The following PTGR1 variants were observed in gnomAD, a reference collection of about 807,000 sequenced individuals.
PTGR1 encodes the protein 15-oxoprostaglandin 13-reductase.
Under a neutral mutation model 37.7 loss-of-function variants are expected in PTGR1, and 23 were observed. That is an observed-to-expected ratio of 0.61 (90% CI 0.44 to 0.86). The LOEUF (loss-of-function observed/expected upper bound fraction) is 0.86. Ranked by LOEUF, PTGR1 falls within the 40% of genes least tolerant of loss-of-function variation. The pLI is 0.00. For synonymous variants in PTGR1, 134 were observed against 140.0 expected, an observed-to-expected ratio of 0.96 and a Z score of 0.30; for missense variants, 351 against 394.3, an observed-to-expected ratio of 0.89 and a Z score of 0.93.
intron 9 of PTGR1, among the ~76,000 whole-genome samples, chr9:111,567,606 G>C (rs1047421864): frequency 4.6e-5 from 7 of 152,210 alleles, no homozygotes; most frequent in Non-Finnish European, 8.8e-5. Flanking sequence ...AAATCAGAGA[G>C]ATATCAGGGG....
Position 111,583,467 on chromosome 9 carries a change from C to A in PTGR1, c.495+5G>T, listed in dbSNP as rs1199940447. 10 of 1,594,436 alleles carry A rather than the reference C, an allele frequency of 6.3e-6. No homozygotes were observed. The highest frequency in any genetic ancestry group is 8.6e-6 in the Non-Finnish European group (10 of 1,162,166). Reference sequence around the variant, plus strand: ...AAAGGCTTGTTACTGGAGAAAGGCACTTACCTTGAGCTTTGCAATCTGCCC... The same window carrying A: ...AAAGGCTTGTTACTGGAGAAAGGCAATTACCTTGAGCTTTGCAATCTGCCC... On this transcript the variant is annotated splice_donor_5th_base_variant and intron_variant, in intron 6 of 9. Coordinates refer to ENST00000407693, the MANE Select transcript of PTGR1 (RefSeq NM_001146108.2).
At chr9:111,588,415 T>C (rs1829507184) in intron 4 of PTGR1, among the ~76,000 whole-genome samples, 1 of 152,126 alleles carries the variant, frequency 6.6e-6, no homozygotes, top group Non-Finnish European at 1.5e-5. Context: ...GTATATTTAG[T>C]AGAGATGGGG....
intron 4 of PTGR1, among the ~76,000 whole-genome samples, chr9:111,591,792 G>A (rs1829630456): frequency 6.6e-6 from 1 of 152,172 alleles, no homozygotes; most frequent in African/African-American, 2.4e-5. Flanking sequence ...ATTGTAGGCA[G>A]ACCCCCTGAA....
chr9:111,557,884 C>T (rs1308329893), downstream of PTGR1, among the ~76,000 whole-genome samples: 1 of 152,160 alleles, frequency 6.6e-6, no homozygotes, highest in African/African-American at 2.4e-5. Flanking sequence ...CATGGTAGCT[C>T]ATGCCTGTAA....
In PTGR1 at chr9:111,593,118, A is replaced by G. The variant is rs1829674275; in HGVS notation, c.153-136T>C. Reference sequence around the variant, plus strand: ...AAACTGCTGGATAAGTGTATGCGGCAATAAAACCCAGACAGATGAAGGGCT... The same window carrying G: ...AAACTGCTGGATAAGTGTATGCGGCGATAAAACCCAGACAGATGAAGGGCT... On this transcript the variant is annotated intron_variant, in intron 3 of 9. Coordinates refer to ENST00000407693, the MANE Select transcript of PTGR1 (RefSeq NM_001146108.2). 1.5e-5 allele frequency: 20 copies of G among 1,358,246 alleles called. No individual in the cohort carries two copies. In the South Asian group the frequency reaches 3.3e-4, roughly 23 times the overall value. 84.1% of individuals were successfully genotyped at this position (1,358,246 alleles called of 1,614,324 possible).
At chr9:111,590,478 C>T (rs923254472) in intron 4 of PTGR1, among the ~76,000 whole-genome samples, 1 of 152,112 alleles carries the variant, frequency 6.6e-6, no homozygotes, top group Non-Finnish European at 1.5e-5. Context: ...CATGCCTCAG[C>T]CTCCTGAATA....
chr9:111,574,833 C>G lies in PTGR1; in HGVS notation c.661G>C (p.Glu221Gln), dbSNP rs768448213. ...TGGCCGATAACAGTGTTTGAAAACT[C>G]TCCACCTACCTAAACAGATAGCAAA... is the stretch of plus-strand genomic sequence containing the variant. ...YDCYFDNVGG[E>Q]FSNTVIGQMK... The change falls in exon 8 of 10, where the codon GAG becomes CAG. Residue 221 changes from glutamate to glutamine, a missense_variant. Glu to Gln is a conservative substitution (Grantham distance 29, BLOSUM62 2). Transcript: ENST00000407693. 6 of 1,612,052 alleles carry G rather than the reference C, an allele frequency of 3.7e-6. No individual in the cohort carries two copies. The highest frequency in any genetic ancestry group is 2.7e-5 in the African/African-American group (2 of 74,852).
intron 3 of PTGR1, among the ~76,000 whole-genome samples, chr9:111,593,915 T>A (rs1318224798): frequency 7.9e-6 from 1 of 127,274 alleles, no homozygotes. Context: ...TTTTTTTCTT[T>A]TAAGGTTTTT....
At chr9:111,572,756 C>CAAAAAA (rs58101079) in intron 8 of PTGR1, among the ~76,000 whole-genome samples, 1 of 63,510 alleles carries the variant, frequency 1.6e-5, no homozygotes, top group Admixed American at 2.0e-4. Flanking sequence ...GACCCTGTCT[C>CAAAAAA]AAAAAAAAAA....
At chr9:111,570,323 C>A in intron 8 of PTGR1, 114 bp from the exon 9 acceptor site, 1 of 1,444,208 alleles carries the variant, frequency 6.9e-7, no homozygotes, top group Non-Finnish European at 9.1e-7. Context: ...TGGTGCTTCT[C>A]CCCTTCCATT....
intron 9 of PTGR1, among the ~76,000 whole-genome samples, chr9:111,568,497 C>T (rs564374034): frequency 6.6e-6 from 1 of 152,306 alleles, no homozygotes; most frequent in South Asian, 2.1e-4. Context: ...GCACAGTGAA[C>T]ATAGACCCTT....
chr9:111,586,159 C>T lies in PTGR1; in HGVS notation c.216G>A (p.Val72=). 6.2e-7 allele frequency: 1 copy of T among 1,613,860 alleles called. No homozygotes were observed. Among genetic ancestry groups the T allele is most frequent in the African/African-American group, 1.3e-5 (1 of 75,024 alleles). Residue 72 remains valine, a synonymous_variant, in exon 5 of 10, where the codon GTG becomes GTA. Coordinates refer to ENST00000407693, the MANE Select transcript of PTGR1 (RefSeq NM_001146108.2). ...TMMGQQVAKV[V]ESKNVALPKG... is the part of the protein sequence containing the mutation. ...TTGGTAGGGCTACATTTTTACTTTC[C>T]ACAACTCTGAAAGATAAAGCACATT...
At chr9:111,567,370 TAG>T (rs1244761844) in intron 9 of PTGR1, among the ~76,000 whole-genome samples, 7 of 152,166 alleles carry the variant, frequency 4.6e-5, no homozygotes, top group African/African-American at 1.2e-4. Context: ...GTATTTTTAG[TAG>T]AGACAGGGTT....
intron 5 of PTGR1, among the ~76,000 whole-genome samples, chr9:111,584,742 G>C (rs1564619650): frequency 6.6e-6 from 1 of 152,188 alleles, no homozygotes; most frequent in African/African-American, 2.4e-5. Context: ...TCAAGAAGTT[G>C]TTGTTGTCCC....
chr9:111,557,441 A>T (rs1828156827), intron 9 of PTGR1, among the ~76,000 whole-genome samples: 1 of 61,308 alleles, frequency 1.6e-5, no homozygotes, highest in Non-Finnish European at 3.3e-5. Flanking sequence ...AAAACTCATT[A>T]TCTTTTTTTT....
intron 1 of PTGR1, among the ~76,000 whole-genome samples, chr9:111,598,789 C>G (rs1276908972): frequency 6.6e-6 from 1 of 152,176 alleles, no homozygotes; most frequent in Non-Finnish European, 1.5e-5. Context: ...GCCACCGCGC[C>G]AGGCCCTACG....
chr9:111,565,588 T>G (rs1276577566), intron 9 of PTGR1, among the ~76,000 whole-genome samples: 1 of 152,158 alleles, frequency 6.6e-6, no homozygotes, highest in Non-Finnish European at 1.5e-5. Context: ...AGTGGCACAT[T>G]CAGAGTTCAC....
intron 4 of PTGR1, among the ~76,000 whole-genome samples, chr9:111,590,052 T>C (rs748584688): frequency 9.9e-5 from 15 of 152,154 alleles, no homozygotes; most frequent in Non-Finnish European, 1.9e-4. Context: ...AAACTGTAAT[T>C]GGACACAGAA....
intron 4 of PTGR1, among the ~76,000 whole-genome samples, chr9:111,591,837 G>T (rs1187763229): frequency 3.3e-5 from 5 of 152,190 alleles, no homozygotes; most frequent in Non-Finnish European, 7.3e-5. Flanking sequence ...AAATGCTCCT[G>T]ATTATTGTGA....
Sources: gnomAD v4.1 joint callset for allele counts (sites outside exome capture counted in the v4.1 genomes callset) on GRCh38, gnomAD v4.1.1 for gene constraint, MANE v1.5 for transcripts, NCBI Gene and HGNC (gene_info 2026-07-23, HGNC 2026-07-21) for gene names.